NRIP1: variants seen among roughly 807,000 people sequenced by gnomAD.
NRIP1 encodes nuclear receptor-interacting protein 1.
In NRIP1, 28 loss-of-function variants were observed where a neutral mutation model predicts 75.0. That is an observed-to-expected ratio of 0.37 (90% CI 0.28 to 0.51). The LOEUF (loss-of-function observed/expected upper bound fraction) is 0.51. Ranked by LOEUF, NRIP1 falls within the 20% of genes least tolerant of loss-of-function variation. NRIP1 has a pLI of 0.92. For synonymous variants in NRIP1, 526 were observed against 487.6 expected (o/e 1.08, Z -1.04); for missense variants, 1,435 against 1,343.7 (o/e 1.07, Z -1.06).
chr21:15,043,818 TTTTG>T (rs139382112), intron 1 of NRIP1, among the ~76,000 whole-genome samples: 5,191 of 152,208 alleles, frequency 0.034, 244 homozygotes, highest in African/African-American at 0.11. Context: ...CCAATTGTTT[TTTTG>T]TTTGTTTGTT....
chr21:14,966,184 T>C lies in NRIP1; in HGVS notation c.2009A>G (p.Asn670Ser), dbSNP rs2086733525. The C allele has an allele frequency of 1.2e-6, 2 of 1,613,582 alleles. No individual in the cohort carries two copies. Among genetic ancestry groups the C allele is most frequent in the Admixed American group, 1.7e-5 (1 of 59,910 alleles). The change falls in exon 4 of 4, where the codon AAT (asparagine) becomes AGT (serine). Residue 670 changes from asparagine to serine, a missense_variant. Coordinates refer to ENST00000318948, the MANE Select transcript of NRIP1 (RefSeq NM_003489.4). ...DKPIGMIDRL[N>S]SPLLSNKTNA... ...TGTTTTATTTGAGAGCAAAGGGCTA[T>C]TTAATCTATCAATCATACCTATCGG...
rs1477310401 is a variant in NRIP1 at position 14,998,570 on chromosome 21, C to T, written c.-335+15774G>A. Among the ~76,000 whole-genome samples the T allele has an allele frequency of 3.3e-5, 5 of 152,174 alleles. No homozygotes were observed. In the East Asian group the frequency reaches 5.8e-4, roughly 18 times the overall value. On this transcript the variant is annotated intron_variant, in intron 3 of 3. Coordinates refer to ENST00000318948, the MANE Select transcript of NRIP1 (RefSeq NM_003489.4). ...TGTGCTACAGTTGACCCTTGAACAA[C>T]GCTGGCTTGCACCGTGTGGGTCCAC...
intron 3 of NRIP1, among the ~76,000 whole-genome samples, chr21:14,999,317 C>A (rs1486889048): frequency 6.6e-6 from 1 of 152,064 alleles, no homozygotes; most frequent in Non-Finnish European, 1.5e-5. Context: ...AATTTTAATA[C>A]CTTTCTTCAT....
At position 15,064,137 on chromosome 21, in the gene NRIP1, G is replaced by A. The variant is rs1442200041; in HGVS notation, c.-538+608C>T. Among the ~76,000 whole-genome samples the A allele has an allele frequency of 2.0e-5, 3 of 152,244 alleles. No individual in the cohort carries two copies. The East Asian group carries it at 5.8e-4, about 29-fold the overall frequency. On this transcript the variant is annotated intron_variant, in intron 1 of 3. Transcript: ENST00000318948. ...TCCACCGGGCTCACCCTAAATGGGG[G>A]CCGGCCCCTGGCTCCTGGTAAAATG...
At chr21:15,001,055 C>T (rs1432111264) in intron 3 of NRIP1, among the ~76,000 whole-genome samples, 2 of 152,084 alleles carry the variant, frequency 1.3e-5, no homozygotes, top group East Asian at 1.9e-4. Context: ...TACAGATCTC[C>T]GGAATGTCTT....
chr21:15,038,279 A>G (rs2088878390), intron 2 of NRIP1, among the ~76,000 whole-genome samples: 1 of 152,084 alleles, frequency 6.6e-6, no homozygotes, highest in African/African-American at 2.4e-5. Flanking sequence ...TTTTAAAAAC[A>G]TTTATTGTAG....
intron 1 of NRIP1, among the ~76,000 whole-genome samples, chr21:15,045,995 CA>C (rs908770412): frequency 5.9e-5 from 9 of 152,106 alleles, no homozygotes; most frequent in African/African-American, 2.2e-4. Flanking sequence ...ACCACATCTG[CA>C]GTTACTTCCT....
chr21:14,978,714 T>C (rs2087148115), intron 3 of NRIP1, among the ~76,000 whole-genome samples: 1 of 152,192 alleles, frequency 6.6e-6, no homozygotes, highest in Non-Finnish European at 1.5e-5. Context: ...TCAGAAGGCC[T>C]AGGTATATGA....
At chr21:15,064,230 C>G (rs565203754) in intron 1 of NRIP1, among the ~76,000 whole-genome samples, 3 of 152,312 alleles carry the variant, frequency 2.0e-5, no homozygotes, top group East Asian at 3.9e-4. Context: ...CAGAGCGGCC[C>G]GGGGTCGGGT....
intron 3 of NRIP1, among the ~76,000 whole-genome samples, chr21:14,998,583 C>T (rs1262138683): frequency 6.6e-6 from 1 of 152,154 alleles, no homozygotes; most frequent in African/African-American, 2.4e-5. Flanking sequence ...TGGCTTGCAC[C>T]GTGTGGGTCC....
At chr21:14,979,747 C>T (rs1007013386) in intron 3 of NRIP1, among the ~76,000 whole-genome samples, 5 of 152,054 alleles carry the variant, frequency 3.3e-5, no homozygotes, top group Non-Finnish European at 5.9e-5. Context: ...AACTCCTGAC[C>T]TCGTGATCCA....
chr21:14,973,135 G>T (rs1376187692), intron 3 of NRIP1, among the ~76,000 whole-genome samples: 1 of 152,156 alleles, frequency 6.6e-6, no homozygotes, highest in Non-Finnish European at 1.5e-5. Context: ...CACAGTAAGG[G>T]AGAGACTTTA....
Position 15,040,254 on chromosome 21 carries a change from A to G in NRIP1, c.-458+3241T>C, listed in dbSNP as rs372863400. Among the ~76,000 whole-genome samples the G allele has an allele frequency of 6.6e-5, 10 of 152,210 alleles. No homozygotes were observed. The East Asian group carries it at 1.5e-3, about 23-fold the overall frequency. ...ATAATTTTATATTGATTATTCATTG[A>G]AAGGATAACATTTTGCAGATACTGG... On this transcript the variant is annotated intron_variant, in intron 2 of 3. Coordinates refer to ENST00000318948, the MANE Select transcript of NRIP1 (RefSeq NM_003489.4).
chr21:14,974,909 A>C (rs2087008825), intron 3 of NRIP1, among the ~76,000 whole-genome samples: 1 of 151,834 alleles, frequency 6.6e-6, no homozygotes, highest in Non-Finnish European at 1.5e-5. Context: ...GGAGTTCGAG[A>C]CCAGCCTGGG....
Position 15,064,844 on chromosome 21 carries a change from T to A in NRIP1, c.-637A>T, listed in dbSNP as rs1370432411. The A allele has an allele frequency of 6.8e-6, 1 of 147,776 alleles. No individual in the cohort carries two copies. Among genetic ancestry groups the A allele is most frequent in the Non-Finnish European group, 1.5e-5 (1 of 66,406 alleles). The allele number at this position is 147,776 out of a possible 1,614,324, so 9.2% of individuals were successfully genotyped here. On this transcript the variant is annotated 5_prime_UTR_variant, in exon 1 of 4. Coordinates refer to ENST00000318948, the MANE Select transcript of NRIP1 (RefSeq NM_003489.4). The stretch of plus-strand genomic sequence containing the variant: ...CCCGGCGCCCCGGCGAGCTCTTCCC[T>A]CCGACCAGCGGCGCTCACGGCGCAG...
At chr21:15,048,444 A>C (rs753887632) in intron 1 of NRIP1, among the ~76,000 whole-genome samples, 1 of 152,238 alleles carries the variant, frequency 6.6e-6, no homozygotes, top group Non-Finnish European at 1.5e-5. Flanking sequence ...AGATATCTAG[A>C]ATCTTAACTA....
At chr21:15,061,378 C>A (rs1044363361) in intron 1 of NRIP1, among the ~76,000 whole-genome samples, 2 of 152,082 alleles carry the variant, frequency 1.3e-5, no homozygotes, top group Middle Eastern at 3.2e-3. Flanking sequence ...GAAACTTCTC[C>A]CCACCCACAG....
Position 14,966,322 on chromosome 21 carries a change from G to A in NRIP1, c.1871C>T (p.Thr624Met), listed in dbSNP as rs758399379. The part of the protein sequence containing the change: ...AQNEGAQNSA[T>M]FSASKLLQNL... Reference sequence around the variant, plus strand: ...TTGTAACAGCTTACTGGCACTAAACGTTGCAGAGTTCTGTGCACCTTCATT... The same window carrying A: ...TTGTAACAGCTTACTGGCACTAAACATTGCAGAGTTCTGTGCACCTTCATT... The change falls in exon 4 of 4, where the codon ACG (threonine) becomes ATG (methionine). Residue 624 changes from threonine to methionine, a missense_variant. Thr to Met is a moderately conservative substitution (Grantham distance 81). Transcript: ENST00000318948. 5 of 1,614,040 alleles carry A rather than the reference G, an allele frequency of 3.1e-6. No homozygotes were observed. The highest frequency in any genetic ancestry group is 4.2e-6 in the Non-Finnish European group (5 of 1,179,954).
At chr21:15,009,764 G>A (rs2088058284) in intron 3 of NRIP1, among the ~76,000 whole-genome samples, 1 of 152,082 alleles carries the variant, frequency 6.6e-6, no homozygotes, top group African/African-American at 2.4e-5. Flanking sequence ...TTGATGGCAT[G>A]TTCTATAAAA....
Sources: gnomAD v4.1 joint callset for allele counts (sites outside exome capture counted in the v4.1 genomes callset) on GRCh38, gnomAD v4.1.1 for gene constraint, MANE v1.5 for transcripts, NCBI Gene and HGNC (gene_info 2026-07-23, HGNC 2026-07-21) for gene names.